Variants in IL1RAPL1 observed in about 807,000 individuals in gnomAD.
The protein encoded by IL1RAPL1 is interleukin-1 receptor accessory protein-like 1.
A neutral mutation model predicts 48.4 loss-of-function variants in IL1RAPL1; 3 were observed. The ratio of observed to expected loss-of-function variants is 0.06; its 90% CI spans 0.03 to 0.16. The LOEUF (loss-of-function observed/expected upper bound fraction) is 0.16. IL1RAPL1 is among the 10% of genes least tolerant of loss of function. The probability of loss-of-function intolerance (pLI) is 1.00; values close to 1 mark genes in which losing one functional copy is unlikely to be tolerated. For missense variants in IL1RAPL1, 349 were observed against 530.6 expected (o/e 0.66, Z 3.36); for synonymous variants, 185 against 187.7 (o/e 0.99, Z 0.12).
At chrX:29,239,541 C>G (rs765329742) in intron 2 of IL1RAPL1, among the ~76,000 whole-genome samples, 32 of 111,972 alleles carry the variant, frequency 2.9e-4, no homozygotes, top group Non-Finnish European at 5.3e-4. Flanking sequence ...ATCAAGGTCT[C>G]AGCAGGACTG....
rs367598803 is a variant in IL1RAPL1 at position 29,357,313 on chromosome X, C to A, written c.363-38945C>A. 5.4e-5 allele frequency among the ~76,000 whole-genome samples: 6 copies of A among 111,746 alleles called. No individual in the cohort carries two copies. The East Asian group carries it at 1.4e-3, about 26-fold the overall frequency. Reference sequence around the variant, plus strand: ...CTCTTCAGTGAGTAAATGACAAAATCCTGTTTTTTTACTTAGAACACTTTT... The same window carrying A: ...CTCTTCAGTGAGTAAATGACAAAATACTGTTTTTTTACTTAGAACACTTTT... On this transcript the variant is annotated intron_variant, in intron 3 of 10. Transcript: ENST00000378993.
chrX:28,587,912 C>T lies in IL1RAPL1; in HGVS notation c.-160C>T, dbSNP rs763667324. The stretch of plus-strand genomic sequence containing the variant: ...CATTTGTGAATGGGAATCTTGTTCA[C>T]AATATTAATTGCTAGCAAAAACAAG... On this transcript the variant is annotated 5_prime_UTR_variant, in exon 1 of 11. Transcript: ENST00000378993. 9.0e-6 allele frequency: 1 copy of T among 111,386 alleles called. No homozygotes were observed. The highest frequency in any genetic ancestry group is 2.8e-4 in the East Asian group (1 of 3,537). 9.2% of individuals were successfully genotyped at this position (111,386 alleles called of 1,213,427 possible). A position where few individuals can be genotyped will look rare whatever the true frequency, so the allele number is the denominator to read the frequency against.
chrX:29,127,361 G>A (rs1010305424), intron 2 of IL1RAPL1, among the ~76,000 whole-genome samples: 1 of 111,675 alleles, frequency 9.0e-6, no homozygotes, highest in African/African-American at 3.3e-5. Flanking sequence ...TGCATACATA[G>A]CAAGTACCCA....
At chrX:29,655,324 A>T (rs765773171) in intron 5 of IL1RAPL1, among the ~76,000 whole-genome samples, 1 of 112,113 alleles carries the variant, frequency 8.9e-6, no homozygotes, top group African/African-American at 3.2e-5. Context: ...ATCAGGAAAA[A>T]TATGGTGTCT....
intron 3 of IL1RAPL1, among the ~76,000 whole-genome samples, chrX:29,351,959 G>C (rs976611446): frequency 9.0e-6 from 1 of 111,699 alleles, no homozygotes; most frequent in Non-Finnish European, 1.9e-5. Context: ...CCCACCATTT[G>C]TTCTCATCAG....
At chrX:28,878,306 A>G (rs1922423736) in intron 2 of IL1RAPL1, among the ~76,000 whole-genome samples, 2 of 111,813 alleles carry the variant, frequency 1.8e-5, no homozygotes, top group African/African-American at 6.5e-5. Flanking sequence ...TTATGGGGGT[A>G]GTGAGCAAAG....
At chrX:28,983,049 TA>T (rs1220916631) in intron 2 of IL1RAPL1, 1 of 111,951 alleles carries the variant, frequency 8.9e-6, no homozygotes, top group Non-Finnish European at 1.9e-5. Flanking sequence ...TCATATAATG[TA>T]AATATGTTTT....
chrX:29,577,725 T>A (rs1470570237), intron 5 of IL1RAPL1, among the ~76,000 whole-genome samples: 6 of 112,048 alleles, frequency 5.4e-5, no homozygotes, highest in African/African-American at 1.9e-4. Flanking sequence ...TATTTTTCAA[T>A]AGCAACCTAA....
chrX:29,252,009 G>A (rs1297396080), intron 2 of IL1RAPL1, among the ~76,000 whole-genome samples: 8 of 105,131 alleles, frequency 7.6e-5, no homozygotes, highest in Non-Finnish European at 1.5e-4. Flanking sequence ...GTAAACTATC[G>A]CAAGAACAAA....
At chrX:29,689,220 G>A (rs6630939) in intron 6 of IL1RAPL1, among the ~76,000 whole-genome samples, 1 of 110,198 alleles carries the variant, frequency 9.1e-6, no homozygotes, top group Non-Finnish European at 1.9e-5. Flanking sequence ...TAGACACATC[G>A]TAGTATCTAA....
intron 1 of IL1RAPL1, among the ~76,000 whole-genome samples, chrX:28,622,804 C>T (rs1352887496): frequency 6.3e-5 from 7 of 111,739 alleles, no homozygotes; most frequent in Admixed American, 1.9e-4. Context: ...AATTTAAGAA[C>T]GCTACTGGAT....
At chrX:29,486,462 C>T (rs1372535340) in intron 5 of IL1RAPL1, among the ~76,000 whole-genome samples, 3 of 109,893 alleles carry the variant, frequency 2.7e-5, no homozygotes, top group Admixed American at 9.8e-5. Context: ...ATATAACTGC[C>T]ACTTCTGCCC....
intron 6 of IL1RAPL1, among the ~76,000 whole-genome samples, chrX:29,675,059 G>A (rs923066131): frequency 3.6e-5 from 4 of 112,389 alleles, no homozygotes; most frequent in Non-Finnish European, 7.5e-5. Flanking sequence ...ATGATAGAAG[G>A]ATTTATATTC....
At chrX:29,385,220 C>T (rs181320461) in intron 3 of IL1RAPL1, among the ~76,000 whole-genome samples, 4 of 112,021 alleles carry the variant, frequency 3.6e-5, no homozygotes, top group African/African-American at 1.3e-4. Context: ...ATTGGGAGGC[C>T]GCAGTGGGTG....
intron 2 of IL1RAPL1, among the ~76,000 whole-genome samples, chrX:28,803,716 T>C (rs1936699239): frequency 8.9e-6 from 1 of 111,807 alleles, no homozygotes; most frequent in African/African-American, 3.2e-5. Flanking sequence ...GTGTTTCTTT[T>C]AGGATTTTAT....
Position 29,803,272 on chromosome X carries a change from TACATATACAC to T in IL1RAPL1, c.779-114187_779-114178del, listed in dbSNP as rs1185308990. ...ACATATACACACATGTATATATGTA[TACATATACAC>T]ACATGTATATATGTATACATATACA... On this transcript the variant is annotated intron_variant, in intron 6 of 10. Transcript: ENST00000378993. Among the ~76,000 whole-genome samples, 49 of 35,164 alleles carry T rather than the reference TACATATACAC, an allele frequency of 1.4e-3. 1 individual carries two copies. The highest frequency in any genetic ancestry group is 5.4e-3 in the African/African-American group (43 of 8,004). The allele number at this position is 35,164 out of a possible 115,157, so 30.5% of individuals were successfully genotyped here.
At chrX:28,951,413 T>TAAAAAA (rs58992212) in intron 2 of IL1RAPL1, among the ~76,000 whole-genome samples, 1 of 90,606 alleles carries the variant, frequency 1.1e-5, no homozygotes, top group African/African-American at 4.1e-5. Flanking sequence ...TGATAAATGG[T>TAAAAAA]AAAAAAAAAA....
At chrX:28,983,895 T>G (rs1925402922) in intron 2 of IL1RAPL1, among the ~76,000 whole-genome samples, 2 of 112,167 alleles carry the variant, frequency 1.8e-5, no homozygotes, top group Non-Finnish European at 1.9e-5. Flanking sequence ...CAAACAACTC[T>G]GAGAAGTACA....
intron 5 of IL1RAPL1, among the ~76,000 whole-genome samples, chrX:29,460,804 AAAGAG>A (rs1178772321): frequency 1.8e-5 from 2 of 112,064 alleles, no homozygotes; most frequent in Non-Finnish European, 3.8e-5. Context: ...CAAAAACACT[AAAGAG>A]AAGAGCTAAA....
Sources: gnomAD v4.1 joint callset for allele counts (sites outside exome capture counted in the v4.1 genomes callset) on GRCh38, gnomAD v4.1.1 for gene constraint, MANE v1.5 for transcripts, NCBI Gene and HGNC (gene_info 2026-07-23, HGNC 2026-07-21) for gene names.